The following TTC28 variants were observed in gnomAD, a reference collection of about 807,000 sequenced individuals.
The protein encoded by TTC28 is tetratricopeptide repeat protein 28.
Under a neutral mutation model 198.0 loss-of-function variants are expected in TTC28, and 61 were observed. That is an observed-to-expected ratio of 0.31 (90% confidence interval 0.25 to 0.38). The LOEUF is 0.38. Among genes scored for constraint, TTC28 ranks in the 10% least tolerant of loss-of-function variants. The probability of loss-of-function intolerance (pLI) is 1.00; values close to 1 mark genes in which losing one functional copy is unlikely to be tolerated. For missense variants in TTC28, 2,678 were observed against 3,164.0 expected, an observed-to-expected ratio of 0.85 and a Z score of 3.69; for synonymous variants, 1,171 against 1,297.8, an observed-to-expected ratio of 0.90 and a Z score of 2.10.
At chr22:28,489,976 T>C (rs979677716) in intron 2 of TTC28, among the ~76,000 whole-genome samples, 29 of 152,048 alleles carry the variant, frequency 1.9e-4, no homozygotes, top group African/African-American at 7.0e-4. Flanking sequence ...ACTGAAGAAC[T>C]TGGAGTCCGA....
At chr22:28,516,646 A>G (rs2048792988) in intron 2 of TTC28, among the ~76,000 whole-genome samples, 1 of 152,110 alleles carries the variant, frequency 6.6e-6, no homozygotes, top group African/African-American at 2.4e-5. Flanking sequence ...GCATTAGGAG[A>G]AATATCTAAC....
chr22:28,348,797 A>T (rs1279507653), intron 2 of TTC28, among the ~76,000 whole-genome samples: 4 of 152,236 alleles, frequency 2.6e-5, no homozygotes, highest in Non-Finnish European at 4.4e-5. Flanking sequence ...GTCAACTGGA[A>T]ATCAAAGTGA....
chr22:28,676,239 C>T (rs4035557), intron 1 of TTC28, among the ~76,000 whole-genome samples: 3 of 152,244 alleles, frequency 2.0e-5, no homozygotes, highest in Non-Finnish European at 4.4e-5. Context: ...CACTGTGCCA[C>T]GTGAAATAAG....
At chr22:28,188,764 T>A (rs1020992887) in intron 5 of TTC28, among the ~76,000 whole-genome samples, 1 of 152,098 alleles carries the variant, frequency 6.6e-6, no homozygotes, top group South Asian at 2.1e-4. Flanking sequence ...GAAGCCCCTG[T>A]GGAAATTGGC....
chr22:28,171,165 T>C (rs1456518361), intron 5 of TTC28, among the ~76,000 whole-genome samples: 2 of 152,188 alleles, frequency 1.3e-5, no homozygotes, highest in Non-Finnish European at 2.9e-5. Flanking sequence ...TTCTAGTCTT[T>C]GGTTTCCAAT....
At chr22:28,157,985 T>C (rs1182733072) in intron 6 of TTC28, among the ~76,000 whole-genome samples, 1 of 152,058 alleles carries the variant, frequency 6.6e-6, no homozygotes, top group African/African-American at 2.4e-5. Flanking sequence ...CATCCTTGTT[T>C]GCAGATGACA....
At position 28,166,105 on chromosome 22, in the gene TTC28, G is replaced by C. The variant is rs1309464465; in HGVS notation, c.934-2506C>G. Reference sequence around the variant, plus strand: ...GAAGGCCACTACTTAATGGTAAAGGGATCAATTCAACAAGAAGAGCTATCC... The same window carrying C: ...GAAGGCCACTACTTAATGGTAAAGGCATCAATTCAACAAGAAGAGCTATCC... On this transcript the variant is annotated intron_variant, in intron 5 of 22. Transcript: ENST00000397906. 6.6e-5 allele frequency among the ~76,000 whole-genome samples: 10 copies of C among 152,266 alleles called. No homozygotes were observed. The South Asian group carries it at 2.1e-3, about 32-fold the overall frequency.
At chr22:28,040,264 G>A (rs951130426) in intron 12 of TTC28, among the ~76,000 whole-genome samples, 3 of 152,114 alleles carry the variant, frequency 2.0e-5, no homozygotes, top group Non-Finnish European at 2.9e-5. Context: ...TGATACCAAA[G>A]CCTGGCAGAG....
At chr22:28,592,910 G>T (rs1371241166) in intron 2 of TTC28, among the ~76,000 whole-genome samples, 1 of 152,134 alleles carries the variant, frequency 6.6e-6, no homozygotes, top group Non-Finnish European at 1.5e-5. Flanking sequence ...GGGCAACTTA[G>T]CACAACCATC....
At chr22:28,110,861 G>C (rs1158562631) in intron 6 of TTC28, among the ~76,000 whole-genome samples, 1 of 151,426 alleles carries the variant, frequency 6.6e-6, no homozygotes, top group Non-Finnish European at 1.5e-5. Flanking sequence ...TTTGAGCTCA[G>C]AAGTTCGAGG....
chr22:28,339,588 T>C (rs1569270243), intron 2 of TTC28, among the ~76,000 whole-genome samples: 1 of 152,064 alleles, frequency 6.6e-6, no homozygotes, highest in South Asian at 2.1e-4. Context: ...GCCTTGGCAA[T>C]GGCGGGCGCC....
At chr22:28,633,656 T>C (rs1402809471) in intron 1 of TTC28, among the ~76,000 whole-genome samples, 1 of 152,076 alleles carries the variant, frequency 6.6e-6, no homozygotes, top group African/African-American at 2.4e-5. Context: ...GAGTAATAAT[T>C]TTGGTTCAAT....
At chr22:28,369,877 C>T (rs921824327) in intron 2 of TTC28, among the ~76,000 whole-genome samples, 1 of 152,068 alleles carries the variant, frequency 6.6e-6, no homozygotes, top group Non-Finnish European at 1.5e-5. Flanking sequence ...GAGATGAAAT[C>T]ATATATATGC....
At chr22:28,653,512 A>T (rs1379915247) in intron 1 of TTC28, among the ~76,000 whole-genome samples, 2 of 151,854 alleles carry the variant, frequency 1.3e-5, no homozygotes. Context: ...TTAAAAAAAA[A>T]AAAAACCAAC....
At chr22:27,984,110 G>A (rs899233287) in intron 22 of TTC28, among the ~76,000 whole-genome samples, 4 of 152,106 alleles carry the variant, frequency 2.6e-5, no homozygotes, top group Non-Finnish European at 5.9e-5. Context: ...TCTGCTCCCT[G>A]TCACATGCGG....
chr22:28,113,457 G>A (rs1014946822), intron 6 of TTC28, among the ~76,000 whole-genome samples: 6 of 152,186 alleles, frequency 3.9e-5, no homozygotes, highest in African/African-American at 7.2e-5. Flanking sequence ...GTGACCTGGC[G>A]AAAGTAATGG....
intron 5 of TTC28, among the ~76,000 whole-genome samples, chr22:28,196,433 C>G (rs1236573218): frequency 6.6e-6 from 1 of 152,128 alleles, no homozygotes; most frequent in African/African-American, 2.4e-5. Flanking sequence ...CCAAAATTGA[C>G]AAATGGGATC....
intron 2 of TTC28, among the ~76,000 whole-genome samples, chr22:28,618,225 A>G (rs1401816842): frequency 4.6e-5 from 7 of 152,074 alleles, no homozygotes; most frequent in Admixed American, 4.6e-4. Context: ...CAGTGAGCCA[A>G]GATTGCACCA....
intron 6 of TTC28, among the ~76,000 whole-genome samples, chr22:28,134,355 C>T (rs898702159): frequency 2.6e-5 from 4 of 152,282 alleles, no homozygotes; most frequent in Admixed American, 1.3e-4. Flanking sequence ...CACAGCTGGA[C>T]GGAGAATGAC....
Sources: allele counts gnomAD v4.1 joint callset (sites outside exome capture counted in the v4.1 genomes callset), GRCh38; gene constraint gnomAD v4.1.1; transcripts MANE v1.5; gene names NCBI Gene and HGNC (gene_info 2026-07-23, HGNC 2026-07-21).